ITGA9: variants seen among roughly 807,000 people sequenced by gnomAD.
The protein encoded by ITGA9 is integrin alpha-9.
Under a neutral mutation model 127.8 loss-of-function variants are expected in ITGA9, and 56 were observed. That is an observed-to-expected ratio of 0.44 (90% confidence interval 0.35 to 0.55). The LOEUF (loss-of-function observed/expected upper bound fraction) is 0.55. Ranked by LOEUF, ITGA9 falls within the 20% of genes least tolerant of loss-of-function variation. The pLI is 0.00. For synonymous variants in ITGA9, 508 were observed against 514.5 expected, an observed-to-expected ratio of 0.99 and a Z score of 0.17; for missense variants, 1,196 against 1,347.1, an observed-to-expected ratio of 0.89 and a Z score of 1.76.
intron 18 of ITGA9, among the ~76,000 whole-genome samples, chr3:37,690,575 C>G (rs1309356744): frequency 6.6e-6 from 1 of 152,140 alleles, no homozygotes; most frequent in Non-Finnish European, 1.5e-5. Flanking sequence ...GGAAACAGAC[C>G]TGGACATGAA....
chr3:37,584,909 C>T (rs541418404), intron 15 of ITGA9, among the ~76,000 whole-genome samples: 2 of 152,220 alleles, frequency 1.3e-5, no homozygotes, highest in East Asian at 1.9e-4. Context: ...CCATTCTCCA[C>T]CATTATCCCT....
At chr3:37,743,551 T>C (rs1360991340) in intron 21 of ITGA9, among the ~76,000 whole-genome samples, 1 of 152,226 alleles carries the variant, frequency 6.6e-6, no homozygotes, top group African/African-American at 2.4e-5. Context: ...ACATAACTCA[T>C]TTATATTTAT....
At chr3:37,503,452 C>T in intron 6 of ITGA9, 145 bp downstream of exon 6, 1 of 849,440 alleles carries the variant, frequency 1.2e-6, no homozygotes, top group Non-Finnish European at 1.9e-6. Flanking sequence ...TTAGCCAGGG[C>T]ATCTTCACAT....
At chr3:37,722,447 T>G (rs1027469704) in intron 18 of ITGA9, among the ~76,000 whole-genome samples, 1 of 152,228 alleles carries the variant, frequency 6.6e-6, no homozygotes, top group African/African-American at 2.4e-5. Flanking sequence ...ACCACCATAC[T>G]TCTTAGCTGT....
intron 18 of ITGA9, among the ~76,000 whole-genome samples, chr3:37,698,304 G>A (rs562126697): frequency 6.6e-6 from 1 of 152,256 alleles, no homozygotes; most frequent in Non-Finnish European, 1.5e-5. Flanking sequence ...CACTCTGATG[G>A]TAGTTTCCTT....
chr3:37,512,715 C>T (rs1170630744), intron 8 of ITGA9, among the ~76,000 whole-genome samples: 1 of 152,094 alleles, frequency 6.6e-6, no homozygotes, highest in Non-Finnish European at 1.5e-5. Flanking sequence ...GGTTGCTCCT[C>T]TCTGGGTCAG....
intron 15 of ITGA9, among the ~76,000 whole-genome samples, chr3:37,564,005 A>C (rs1173365869): frequency 6.6e-6 from 1 of 152,270 alleles, no homozygotes; most frequent in Admixed American, 6.5e-5. Flanking sequence ...TCAAAAAACA[A>C]AACAAAATTT....
chr3:37,521,579 C>T (rs1699044557), intron 11 of ITGA9, among the ~76,000 whole-genome samples: 1 of 152,188 alleles, frequency 6.6e-6, no homozygotes, highest in South Asian at 2.1e-4. Flanking sequence ...GGGTTATTAG[C>T]ACTGGGCAGA....
At chr3:37,725,461 T>A (rs969851658) in intron 18 of ITGA9, among the ~76,000 whole-genome samples, 1 of 152,164 alleles carries the variant, frequency 6.6e-6, no homozygotes, top group African/African-American at 2.4e-5. Context: ...CCATGTCATG[T>A]TCTGTAGGGA....
At chr3:37,639,738 A>T (rs1320969458) in intron 16 of ITGA9, among the ~76,000 whole-genome samples, 3 of 152,150 alleles carry the variant, frequency 2.0e-5, no homozygotes, top group Non-Finnish European at 4.4e-5. Flanking sequence ...GGGCCTTTGC[A>T]GGTGAGTCCC....
intron 15 of ITGA9, among the ~76,000 whole-genome samples, chr3:37,556,613 T>A (rs774372657): frequency 5.3e-5 from 8 of 152,204 alleles, no homozygotes; most frequent in Non-Finnish European, 1.2e-4. Context: ...TCAATGCAGA[T>A]CCTGATACAG....
At chr3:37,512,027 T>TC (rs1429960062) in intron 8 of ITGA9, among the ~76,000 whole-genome samples, 1 of 33,642 alleles carries the variant, frequency 3.0e-5, no homozygotes, top group African/African-American at 8.6e-5. Flanking sequence ...TCTTTTCTTT[T>TC]CTTTCTTTCT....
intron 17 of ITGA9, among the ~76,000 whole-genome samples, chr3:37,663,028 C>T (rs533565699): frequency 6.6e-6 from 1 of 152,196 alleles, no homozygotes; most frequent in African/African-American, 2.4e-5. Context: ...TGAATTCTGG[C>T]AGGCCTGTGA....
rs2125618572 is a variant in ITGA9 at position 37,597,212 on chromosome 3, G to A, written c.1690-31975G>A. Reference sequence around the variant, plus strand: ...GATTATTCTGGAGATTAAAGCAATGGAAAGACTTTTCATGATCTAAGAGTG... The same window carrying A: ...GATTATTCTGGAGATTAAAGCAATGAAAAGACTTTTCATGATCTAAGAGTG... On this transcript the variant is annotated intron_variant, in intron 15 of 27. Transcript: ENST00000264741. This position sits in a 1 kb window ranked among gnomAD's most constrained non-coding sequence, Gnocchi z 4.6. 6.6e-6 allele frequency among the ~76,000 whole-genome samples: 1 copy of A among 152,340 alleles called. No individual in the cohort carries two copies. The highest frequency in any genetic ancestry group is 1.5e-5 in the Non-Finnish European group (1 of 68,028).
rs112944337 is a variant in ITGA9 at position 37,722,757 on chromosome 3, A to G, written c.2068-9955A>G. ...AGATTGTTTCCAGTTTTTGGCTATT[A>G]CAAATTATGCTGCTATCAATATTTG... On this transcript the variant is annotated intron_variant, in intron 18 of 27. Transcript: ENST00000264741. Among the ~76,000 whole-genome samples, 536 of 152,290 alleles carry G rather than the reference A, an allele frequency of 3.5e-3. 6 individuals are homozygous for G. The highest frequency in any genetic ancestry group is 0.012 in the African/African-American group (506 of 41,554).
intron 18 of ITGA9, among the ~76,000 whole-genome samples, chr3:37,694,890 G>C (rs1347222506): frequency 1.3e-5 from 2 of 152,208 alleles, no homozygotes; most frequent in Non-Finnish European, 2.9e-5. Context: ...CAGTGTCCTA[G>C]TCTGGGTTTC....
chr3:37,803,960 AGGTCCCCCTGG>A lies in ITGA9; in HGVS notation c.3009+26_3009+36del, dbSNP rs1160660561. 1 of 1,613,806 alleles carries A rather than the reference AGGTCCCCCTGG, an allele frequency of 6.2e-7. No individual in the cohort carries two copies. Among genetic ancestry groups the A allele is most frequent in the Non-Finnish European group, 8.5e-7 (1 of 1,179,924 alleles). On this transcript the variant is annotated intron_variant, in intron 27 of 27. Coordinates refer to ENST00000264741, the MANE Select transcript of ITGA9 (RefSeq NM_002207.3). ...TCTGGAAGGTGAGTCTGGTGATTGC[AGGTCCCCCTGG>A]GGTCCCCACTCATAGATGCCCAGCT...
At chr3:37,654,285 G>C (rs1169156984) in intron 17 of ITGA9, among the ~76,000 whole-genome samples, 1 of 152,080 alleles carries the variant, frequency 6.6e-6, no homozygotes, top group Non-Finnish European at 1.5e-5. Context: ...CTGAAGGAGA[G>C]GGGCAGGCTG....
intron 15 of ITGA9, among the ~76,000 whole-genome samples, chr3:37,627,039 G>A (rs1394427937): frequency 1.3e-5 from 2 of 152,164 alleles, no homozygotes; most frequent in Non-Finnish European, 2.9e-5. Context: ...TCTGGATCCT[G>A]GGGTTGTGTG....
Sources: allele counts gnomAD v4.1 joint callset (sites outside exome capture counted in the v4.1 genomes callset), GRCh38; gene constraint gnomAD v4.1.1; non-coding constraint Gnocchi (gnomAD v3.1); transcripts MANE v1.5; gene names NCBI Gene and HGNC (gene_info 2026-07-23, HGNC 2026-07-21).